SPIRE1: variants seen among roughly 807,000 people sequenced by gnomAD.
SPIRE1 encodes the protein spire type actin nucleation factor 1.
A neutral mutation model predicts 94.1 loss-of-function variants in SPIRE1; 40 were observed. The ratio of observed to expected loss-of-function variants is 0.43; its 90% CI spans 0.33 to 0.55. The LOEUF is 0.55. Ranked by LOEUF, SPIRE1 falls within the 20% of genes least tolerant of loss-of-function variation. The probability of loss-of-function intolerance (pLI) is 0.06; values close to 1 mark genes in which losing one functional copy is unlikely to be tolerated. For missense variants in SPIRE1, 838 were observed against 975.2 expected (o/e 0.86, Z 1.87); for synonymous variants, 376 against 371.7 (o/e 1.01, Z -0.13).
chr18:12,453,054 AC>A lies in SPIRE1; in HGVS notation c.1847+13del. 1.3e-6 allele frequency: 2 copies of A among 1,525,602 alleles called. No individual in the cohort carries two copies. Among genetic ancestry groups the A allele is most frequent in the Non-Finnish European group, 1.8e-6 (2 of 1,132,570 alleles). The allele number at this position is 1,525,602 out of a possible 1,614,324, so 94.5% of individuals were successfully genotyped here. A position where few individuals can be genotyped will look rare whatever the true frequency, so the allele number is the denominator to read the frequency against. On this transcript the variant is annotated intron_variant, in intron 14 of 16. Coordinates refer to ENST00000409402, the MANE Select transcript of SPIRE1 (RefSeq NM_001128626.2). ...TGTTAAATTTATCTTTTCATCAATTACAAAATACCTTACCTCTTACAGAACT... is the reference window on the plus strand; with the variant it reads ...TGTTAAATTTATCTTTTCATCAATTAAAAATACCTTACCTCTTACAGAACT...
At chr18:12,642,209 C>T (rs2038106556) in intron 1 of SPIRE1, among the ~76,000 whole-genome samples, 1 of 152,150 alleles carries the variant, frequency 6.6e-6, no homozygotes, top group African/African-American at 2.4e-5. Flanking sequence ...AGGCACTCTC[C>T]AGAACTTGCA....
chr18:12,591,484 G>A (rs12605240), intron 2 of SPIRE1, among the ~76,000 whole-genome samples: 56,621 of 151,978 alleles, frequency 0.37, 11,203 homozygotes, highest in East Asian at 0.59. Flanking sequence ...GACGTTACAT[G>A]ACAAAAAATG....
intron 4 of SPIRE1, among the ~76,000 whole-genome samples, chr18:12,525,046 G>A (rs551964102): frequency 1.0e-3 from 158 of 151,540 alleles, no homozygotes; most frequent in Middle Eastern, 0.01. Flanking sequence ...GGAGGCCGAG[G>A]CAGGCAGATC....
rs535619877 is a variant in SPIRE1, at chr18:12,620,734, T to C, written c.372+14328A>G. On this transcript the variant is annotated intron_variant, in intron 2 of 16. Coordinates refer to ENST00000409402, the MANE Select transcript of SPIRE1 (RefSeq NM_001128626.2). The stretch of plus-strand genomic sequence containing the variant: ...AAATAGGCATAAATCTTCATGATCT[T>C]GGATTTGGCAATGGATTTTTAGATA... Among the ~76,000 whole-genome samples the C allele has an allele frequency of 6.6e-5, 10 of 152,268 alleles. No homozygotes were observed. In the East Asian group the frequency reaches 1.9e-3, roughly 29 times the overall value.
At chr18:12,478,868 G>C (rs1425504053) in intron 10 of SPIRE1, among the ~76,000 whole-genome samples, 6 of 152,204 alleles carry the variant, frequency 3.9e-5, no homozygotes, top group Admixed American at 6.5e-5. Context: ...CTCTCCACAA[G>C]GGGCAGTAGG....
intron 2 of SPIRE1, among the ~76,000 whole-genome samples, chr18:12,558,862 G>C (rs1333905428): frequency 6.6e-6 from 1 of 151,964 alleles, no homozygotes; most frequent in Admixed American, 6.6e-5. Flanking sequence ...GTGCTGACTC[G>C]TGCATCCACA....
chr18:12,656,724 C>G, intron 1 of SPIRE1: 1 of 978,372 alleles, frequency 1.0e-6, no homozygotes, highest in South Asian at 4.7e-5. Flanking sequence ...CTTCAATGAG[C>G]ATCTGAGTAA....
upstream of SPIRE1, chr18:12,658,687 G>A: frequency 2.3e-6 from 1 of 442,846 alleles, no homozygotes; most frequent in East Asian, 7.4e-5. Context: ...GAAAGCCTCC[G>A]GCAGTTTCCC....
chr18:12,492,257 G>T (rs565327835), intron 8 of SPIRE1, among the ~76,000 whole-genome samples: 16 of 152,268 alleles, frequency 1.1e-4, no homozygotes, highest in Admixed American at 3.9e-4. Flanking sequence ...CTAGCAGAGT[G>T]GGGGTCACAA....
intron 7 of SPIRE1, 145 bp downstream of exon 7, chr18:12,495,871 T>C: frequency 3.3e-6 from 2 of 606,672 alleles, no homozygotes; most frequent in South Asian, 4.2e-5. Context: ...AAACAAAAAA[T>C]ATAATTTACA....
At chr18:12,467,342 T>A (rs1215554906) in intron 10 of SPIRE1, among the ~76,000 whole-genome samples, 1 of 152,156 alleles carries the variant, frequency 6.6e-6, no homozygotes, top group Non-Finnish European at 1.5e-5. Context: ...TTGGGACTTA[T>A]CATGAACACC....
upstream of SPIRE1, among the ~76,000 whole-genome samples, chr18:12,659,737 C>G (rs1011340805): frequency 6.6e-6 from 1 of 152,006 alleles, no homozygotes; most frequent in Non-Finnish European, 1.5e-5. Flanking sequence ...AATTTCAGTA[C>G]GAGAGAGACA....
chr18:12,491,727 C>T (rs746009293), intron 8 of SPIRE1, among the ~76,000 whole-genome samples: 1 of 152,026 alleles, frequency 6.6e-6, no homozygotes, highest in Admixed American at 6.6e-5. Context: ...CCTGTCATCA[C>T]GAAGGTCACA....
intron 4 of SPIRE1, among the ~76,000 whole-genome samples, chr18:12,515,087 C>T (rs1474561640): frequency 6.6e-6 from 1 of 152,136 alleles, no homozygotes; most frequent in Non-Finnish European, 1.5e-5. Flanking sequence ...CATATTCTCC[C>T]TTGTCACCCA....
intron 2 of SPIRE1, among the ~76,000 whole-genome samples, chr18:12,628,102 G>A (rs2037681350): frequency 6.6e-6 from 1 of 152,094 alleles, no homozygotes; most frequent in Admixed American, 6.6e-5. Context: ...CATTGCTTTT[G>A]GTGTTTTAGT....
chr18:12,608,220 A>T (rs954226963), intron 2 of SPIRE1, among the ~76,000 whole-genome samples: 12 of 151,530 alleles, frequency 7.9e-5, no homozygotes, highest in African/African-American at 1.5e-4. Flanking sequence ...TACCCCAAAA[A>T]TTTTTTTTTA....
chr18:12,519,424 G>A (rs1002994781), intron 4 of SPIRE1, among the ~76,000 whole-genome samples: 1 of 151,982 alleles, frequency 6.6e-6, no homozygotes, highest in Admixed American at 6.6e-5. Context: ...GACTGACTCC[G>A]CTCTACATAG....
intron 10 of SPIRE1, among the ~76,000 whole-genome samples, chr18:12,471,646 A>C (rs1235134918): frequency 6.6e-6 from 1 of 152,138 alleles, no homozygotes; most frequent in Non-Finnish European, 1.5e-5. Flanking sequence ...TAATTCAGGC[A>C]TTCTCATGTA....
intron 1 of SPIRE1, among the ~76,000 whole-genome samples, chr18:12,635,640 T>G (rs1217777232): frequency 6.6e-6 from 1 of 152,170 alleles, no homozygotes; most frequent in Admixed American, 6.5e-5. Flanking sequence ...GAGGCTCACT[T>G]AAAGAATAAT....
Sources: gnomAD v4.1 joint callset for allele counts (sites outside exome capture counted in the v4.1 genomes callset) on GRCh38, gnomAD v4.1.1 for gene constraint, MANE v1.5 for transcripts, NCBI Gene and HGNC (gene_info 2026-07-23, HGNC 2026-07-21) for gene names.